Variants in RAPH1 observed in about 807,000 individuals in gnomAD.
The protein encoded by RAPH1 is Ras association (RalGDS/AF-6) and pleckstrin homology domains 1, also known as ras-associated and pleckstrin homology domains-containing protein 1.
A neutral mutation model predicts 88.1 loss-of-function variants in RAPH1; 18 were observed. The observed-to-expected ratio is 0.20, with a 90% confidence interval of 0.14 to 0.30. The LOEUF is 0.30. Ranked by LOEUF, RAPH1 falls within the 10% of genes least tolerant of loss-of-function variation. The probability of loss-of-function intolerance (pLI) is 1.00; values close to 1 mark genes in which losing one functional copy is unlikely to be tolerated. For synonymous variants in RAPH1, 587 were observed against 559.0 expected (o/e 1.05, Z -0.71); for missense variants, 1,448 against 1,543.2 (o/e 0.94, Z 1.03).
intron 2 of RAPH1, 63 bp from the exon 3 acceptor site, chr2:203,491,382 G>C: frequency 1.7e-6 from 2 of 1,175,514 alleles, no homozygotes; most frequent in Non-Finnish European, 2.4e-6. Context: ...AAAAAAAGAT[G>C]AAGTTTGTTT....
Position 203,491,240 on chromosome 2 carries a change from T to G in RAPH1, c.200A>C (p.Tyr67Ser). 6.2e-7 allele frequency: 1 copy of G among 1,612,730 alleles called. No homozygotes were observed. The highest frequency in any genetic ancestry group is 8.5e-7 in the Non-Finnish European group (1 of 1,178,910). The change falls in exon 3 of 14, where the codon TAC becomes TCC. Residue 67 changes from tyrosine (Y) to serine (S), a missense_variant. Physicochemically the swap from Tyr to Ser is moderately radical, Grantham distance 144. Around this residue, in one of 2 missense-constraint regions of RAPH1, gnomAD observed 513 missense variants for 653.1 expected, o/e 0.79. Coordinates refer to ENST00000319170, the MANE Select transcript of RAPH1 (RefSeq NM_213589.3). ...RQETNMANFS[Y>S]RFSIYNLNEA... ...ATTCAAGTTGTATATGGAGAAGCGG[T>G]AAGAAAAGTTGGCCATGTTTGTTTC...
chr2:203,500,928 T>C (rs1688713989), intron 1 of RAPH1, among the ~76,000 whole-genome samples: 1 of 152,220 alleles, frequency 6.6e-6, no homozygotes, highest in South Asian at 2.1e-4. Context: ...TAGTTCTTTA[T>C]TTCCAGTTAT....
At chr2:203,493,983 A>C (rs1261581878) in intron 2 of RAPH1, among the ~76,000 whole-genome samples, 1 of 148,854 alleles carries the variant, frequency 6.7e-6, no homozygotes. Flanking sequence ...AAAAAAAAAA[A>C]AAAAAAAAAA....
At chr2:203,465,810 G>A (rs894425253) in intron 4 of RAPH1, among the ~76,000 whole-genome samples, 4 of 152,100 alleles carry the variant, frequency 2.6e-5, no homozygotes, top group African/African-American at 9.7e-5. Context: ...ACCAGAAAAC[G>A]GAGGTTGCAG....
chr2:203,504,634 T>G (rs1200222427), intron 1 of RAPH1, among the ~76,000 whole-genome samples: 1 of 151,942 alleles, frequency 6.6e-6, no homozygotes, highest in Non-Finnish European at 1.5e-5. Flanking sequence ...CTCCTTGCTA[T>G]TTATGCAAAT....
At chr2:203,458,876 C>A (rs555240570) in intron 7 of RAPH1, among the ~76,000 whole-genome samples, 2 of 152,168 alleles carry the variant, frequency 1.3e-5, no homozygotes, top group Admixed American at 6.5e-5. Context: ...CATTCTCCTG[C>A]CTCAGCCTCC....
intron 4 of RAPH1, among the ~76,000 whole-genome samples, chr2:203,471,811 T>G (rs1024669610): frequency 2.6e-5 from 2 of 76,358 alleles, no homozygotes; most frequent in African/African-American, 1.1e-4. Flanking sequence ...CTCTCACCCA[T>G]TCTTTAAAAA....
chr2:203,502,425 T>G (rs1043140294), intron 1 of RAPH1, among the ~76,000 whole-genome samples: 1 of 152,188 alleles, frequency 6.6e-6, no homozygotes, highest in Non-Finnish European at 1.5e-5. Context: ...TGTGAAGTAA[T>G]TTAAGATCAC....
At chr2:203,510,848 CAGG>C in intron 1 of RAPH1, among the ~76,000 whole-genome samples, 1 of 152,024 alleles carries the variant, frequency 6.6e-6, no homozygotes, top group Middle Eastern at 3.4e-3. Flanking sequence ...TGCTTGAGCC[CAGG>C]AGTTCGAAAC....
Position 203,441,360 on chromosome 2 carries a change from G to T in RAPH1, c.1830C>A (p.Ser610=), listed in dbSNP as rs1166817809. 1 of 1,576,092 alleles carries T rather than the reference G, an allele frequency of 6.3e-7. No homozygotes were observed. The part of the protein sequence containing the change: ...RPYTSLVPPL[S]PQPKIVTPYT... ...AGGGGGTGACTATCTTAGGTTGCGG[G>T]GATAAAGGGGGCACAAGTGAAGTGT... Residue 610 remains serine, a synonymous_variant, in exon 14 of 14, where the codon TCC becomes TCA. Transcript: ENST00000319170.
chr2:203,468,688 G>A (rs1441888933), intron 4 of RAPH1, among the ~76,000 whole-genome samples: 2 of 152,120 alleles, frequency 1.3e-5, no homozygotes, highest in Non-Finnish European at 1.5e-5. Flanking sequence ...CCAGCACCTG[G>A]CAGTTCATGG....
At position 203,435,409 on chromosome 2, in the gene RAPH1, T is replaced by A. The variant is rs1206716366; in HGVS notation, c.*4028A>T. 6.6e-6 allele frequency: 1 copy of A among 152,002 alleles called. No homozygotes were observed. The highest frequency in any genetic ancestry group is 2.4e-5 in the African/African-American group (1 of 41,366). The allele number at this position is 152,002 out of a possible 1,614,324, so 9.4% of individuals were successfully genotyped here. ...ACCTTAAAAGATAATAAGTATCTAA[T>A]TCTTTTATACTTGCATTTCTCTTTG... On this transcript the variant is annotated 3_prime_UTR_variant, in exon 14 of 14. Coordinates refer to ENST00000319170, the MANE Select transcript of RAPH1 (RefSeq NM_213589.3).
At chr2:203,483,490 G>C (rs1008505032) in intron 4 of RAPH1, among the ~76,000 whole-genome samples, 1 of 152,200 alleles carries the variant, frequency 6.6e-6, no homozygotes, top group Non-Finnish European at 1.5e-5. Context: ...AGATAGAGAA[G>C]ACAGTGGGAG....
intron 5 of RAPH1, 37 bp downstream of exon 5, chr2:203,461,810 TA>T (rs555343097): frequency 3.3e-6 from 5 of 1,514,966 alleles, no homozygotes; most frequent in South Asian, 1.3e-5. Context: ...AAAAAACTGA[TA>T]AAAAAATCCC....
chr2:203,486,413 G>A lies in RAPH1; in HGVS notation c.732+3171C>T, dbSNP rs564517989. Among the ~76,000 whole-genome samples the A allele has an allele frequency of 1.6e-4, 25 of 152,244 alleles. 1 individual carries two copies. In the South Asian group the frequency reaches 5.0e-3, roughly 30 times the overall value. ...TTTGGAGAATGGAAAAACAGGAAGG[G>A]AGAAGTGAGAAGAAGCTGTATATAG... is the stretch of plus-strand genomic sequence containing the variant. On this transcript the variant is annotated intron_variant, in intron 4 of 13. Coordinates refer to ENST00000319170, the MANE Select transcript of RAPH1 (RefSeq NM_213589.3).
Position 203,518,161 on chromosome 2 carries a change from A to G in RAPH1, c.-1+16950T>C, listed in dbSNP as rs1200577681. ...AAAAAAAAGAGAACACAAATTACCAATATCAGAAATCAAAGAGGGGACACC... is the reference window on the plus strand; with the variant it reads ...AAAAAAAAGAGAACACAAATTACCAGTATCAGAAATCAAAGAGGGGACACC... On this transcript the variant is annotated intron_variant, in intron 1 of 13. Transcript: ENST00000319170. Among the ~76,000 whole-genome samples the G allele has an allele frequency of 2.6e-5, 4 of 152,312 alleles. No homozygotes were observed. The East Asian group carries it at 7.7e-4, about 29-fold the overall frequency.
At chr2:203,462,022 A>C in intron 4 of RAPH1, 97 bp from the exon 5 acceptor site, 1 of 902,672 alleles carries the variant, frequency 1.1e-6, no homozygotes, top group Non-Finnish European at 1.7e-6. Context: ...AATAAATTTC[A>C]TTAAGAATAT....
At chr2:203,499,366 C>T (rs1353716168) in intron 1 of RAPH1, among the ~76,000 whole-genome samples, 1 of 151,834 alleles carries the variant, frequency 6.6e-6, no homozygotes, top group Non-Finnish European at 1.5e-5. Context: ...ACTTAAGTTA[C>T]TTTTGCCAAT....
intron 4 of RAPH1, among the ~76,000 whole-genome samples, 157 bp from the exon 5 acceptor site, chr2:203,462,082 A>C (rs372816187): frequency 2.0e-5 from 3 of 152,378 alleles, no homozygotes; most frequent in African/African-American, 7.2e-5. Context: ...AAGAGCAGAC[A>C]TATTATAAAG....
Sources: allele counts gnomAD v4.1 joint callset (sites outside exome capture counted in the v4.1 genomes callset), GRCh38; gene constraint gnomAD v4.1.1; regional missense constraint gnomAD v4.1.1; transcripts MANE v1.5; gene names NCBI Gene and HGNC (gene_info 2026-07-23, HGNC 2026-07-21).